PSEN2: variants seen among roughly 807,000 people sequenced by gnomAD.
PSEN2 encodes the protein presenilin-2.
PSEN2 carries 32 observed loss-of-function variants against 49.1 expected under a neutral mutation model. That is an observed-to-expected ratio of 0.65 (90% CI 0.49 to 0.88). The LOEUF is 0.88. Among genes scored for constraint, PSEN2 ranks in the 40% least tolerant of loss-of-function variants. The probability of loss-of-function intolerance (pLI) is 0.00; values close to 1 mark genes in which losing one functional copy is unlikely to be tolerated. For synonymous variants in PSEN2, 255 were observed against 244.0 expected, an observed-to-expected ratio of 1.05 and a Z score of -0.42; for missense variants, 522 against 586.9, an observed-to-expected ratio of 0.89 and a Z score of 1.14.
rs187967479 is a variant in PSEN2 at position 226,891,164 on chromosome 1, A to G, written c.887-114A>G. ...CAATGGAGCATGAGCAGATACCTGC[A>G]GGATGGAGGGTCCTGTGCAGGCTTT... On this transcript the variant is annotated intron_variant, in intron 9 of 12. Coordinates refer to ENST00000366783, the MANE Select transcript of PSEN2 (RefSeq NM_000447.3). 2.1e-3 allele frequency: 1,778 copies of G among 837,570 alleles called. 16 individuals are homozygous for G. In the African/African-American group the frequency reaches 0.023, roughly 11 times the overall value. The allele number at this position is 837,570 out of a possible 1,614,324, so 51.9% of individuals were successfully genotyped here.
intron 6 of PSEN2, among the ~76,000 whole-genome samples, chr1:226,887,342 A>G (rs1344755985): frequency 6.6e-6 from 1 of 152,084 alleles, no homozygotes; most frequent in Non-Finnish European, 1.5e-5. Flanking sequence ...CTTTTAGTCC[A>G]GGTAGACCAG....
At chr1:226,873,034 G>A (rs565423615) in intron 2 of PSEN2, among the ~76,000 whole-genome samples, 8 of 152,216 alleles carry the variant, frequency 5.3e-5, no homozygotes, top group East Asian at 1.9e-4. Flanking sequence ...AAAATTAGCC[G>A]GGCGTGGTGG....
At chr1:226,879,147 C>T (rs1660816463) in intron 3 of PSEN2, among the ~76,000 whole-genome samples, 1 of 152,344 alleles carries the variant, frequency 6.6e-6, no homozygotes, top group East Asian at 1.9e-4. Flanking sequence ...GTTGGGATTA[C>T]AGGCGTGAGC....
At chr1:226,890,725 C>T (rs1330629014) in intron 9 of PSEN2, 10 of 192,392 alleles carry the variant, frequency 5.2e-5, no homozygotes, top group African/African-American at 1.2e-4. Flanking sequence ...ATGGAGCTCA[C>T]GGCCCTGTGA....
chr1:226,896,361 G>A (rs536075387), downstream of PSEN2, among the ~76,000 whole-genome samples: 330 of 152,344 alleles, frequency 2.2e-3, no homozygotes, highest in African/African-American at 6.8e-3. Context: ...AGTTGTGCAC[G>A]GTGGCACAGA....
intron 6 of PSEN2, among the ~76,000 whole-genome samples, chr1:226,887,801 C>A (rs1661460247): frequency 6.6e-6 from 1 of 152,120 alleles, no homozygotes; most frequent in African/African-American, 2.4e-5. Context: ...GTAGGAGACA[C>A]CCAGCATTAC....
chr1:226,890,255 C>T (rs1661657416), intron 9 of PSEN2, 122 bp downstream of exon 9: 1 of 810,836 alleles, frequency 1.2e-6, no homozygotes, highest in Non-Finnish European at 2.2e-6. Context: ...AGGGTCTCCA[C>T]TTTCAGAAGC....
chr1:226,871,470 C>T (rs1287978616), intron 2 of PSEN2, 66 bp downstream of exon 2: 1 of 152,262 alleles, frequency 6.6e-6, no homozygotes, highest in Non-Finnish European at 1.5e-5. Context: ...GTCCATCCCT[C>T]CGAGCAGACC....
chr1:226,899,110 A>C (rs1662236234), downstream of PSEN2: 1 of 152,116 alleles, frequency 6.6e-6, no homozygotes, highest in African/African-American at 2.4e-5. Flanking sequence ...TGCTGGACCC[A>C]AGTAATTTTT....
At position 226,894,070 on chromosome 1, in the gene PSEN2, C is replaced by T; in HGVS notation, c.1136C>T (p.Ala379Val). 1 of 1,614,212 alleles carries T rather than the reference C, an allele frequency of 6.2e-7. No individual in the cohort carries two copies. Among genetic ancestry groups the T allele is most frequent in the Non-Finnish European group, 8.5e-7 (1 of 1,180,026 alleles). ...AGTGTGCTGGTGGGCAAGGCGGCTG[C>T]CACGGGCAGCGGGGACTGGAATACC... ...FYSVLVGKAA[A>V]TGSGDWNTTL... Residue 379 changes from alanine (A) to valine (V), a missense_variant, in exon 12 of 13, where the codon GCC becomes GTC. By Grantham distance (64) the Ala-to-Val change is moderately conservative. Transcript: ENST00000366783.
chr1:226,889,336 G>C (rs1661585454), intron 8 of PSEN2, among the ~76,000 whole-genome samples: 1 of 152,070 alleles, frequency 6.6e-6, no homozygotes, highest in African/African-American at 2.4e-5. Flanking sequence ...GAGTGTAGTG[G>C]CGCCATCTTG....
rs199579988 is a variant in PSEN2 at position 226,896,033 on chromosome 1, A to T, written c.*454A>T. 1 of 230,636 alleles carries T rather than the reference A, an allele frequency of 4.3e-6. No homozygotes were observed. Among genetic ancestry groups the T allele is most frequent in the South Asian group, 6.7e-5 (1 of 14,902 alleles). 14.3% of individuals were successfully genotyped at this position (230,636 alleles called of 1,614,324 possible). A position where few individuals can be genotyped will look rare whatever the true frequency, so the allele number is the denominator to read the frequency against. ...TTAGAAACTGAGTCCTGTTCTTGTT[A>T]CGGCAGTCACACTGCTGGGAAGTGG... On this transcript the variant is annotated 3_prime_UTR_variant, in exon 13 of 13. Coordinates refer to ENST00000366783, the MANE Select transcript of PSEN2 (RefSeq NM_000447.3).
intron 9 of PSEN2, chr1:226,890,805 A>G (rs1412914458): frequency 3.7e-5 from 7 of 187,506 alleles, no homozygotes; most frequent in African/African-American, 7.1e-5. Flanking sequence ...GGCGTCTGCA[A>G]GGTGGCCTGG....
At chr1:226,874,089 G>A (rs1198107242) in intron 2 of PSEN2, among the ~76,000 whole-genome samples, 1 of 152,212 alleles carries the variant, frequency 6.6e-6, no homozygotes, top group Admixed American at 6.5e-5. Context: ...AGACTTGAGA[G>A]TTTTGAGGTG....
At chr1:226,888,632 A>C (rs1483918396) in intron 7 of PSEN2, among the ~76,000 whole-genome samples, 197 bp from the exon 8 acceptor site, 1 of 152,214 alleles carries the variant, frequency 6.6e-6, no homozygotes, top group Non-Finnish European at 1.5e-5. Flanking sequence ...GGTCATGCCC[A>C]TGCACATTTC....
At chr1:226,887,774 AG>A (rs1314011396) in intron 6 of PSEN2, among the ~76,000 whole-genome samples, 1 of 152,204 alleles carries the variant, frequency 6.6e-6, no homozygotes, top group Non-Finnish European at 1.5e-5. Context: ...TCCAGAGCCT[AG>A]AACAGTGCCT....
chr1:226,870,783 T>G (rs1660222685), intron 1 of PSEN2, 134 bp downstream of exon 1: 1 of 152,248 alleles, frequency 6.6e-6, no homozygotes, highest in Admixed American at 6.5e-5. Context: ...CTTCCCCGGC[T>G]GTGGGTCTGC....
downstream of PSEN2, among the ~76,000 whole-genome samples, chr1:226,896,619 C>G (rs777279082): frequency 2.0e-5 from 3 of 151,984 alleles, no homozygotes; most frequent in Non-Finnish European, 2.9e-5. Flanking sequence ...CCCAATACTT[C>G]GGGAGGTCGA....
In PSEN2 at chr1:226,883,932, G is replaced by C. The variant is rs565637526; in HGVS notation, c.356+13G>C. ...AGAATGGACAGCTGTGAGTTGGGGG[G>C]CTGGGGGGAGCAGGGTGGGGTGAGG... On this transcript the variant is annotated intron_variant, in intron 5 of 12. Coordinates refer to ENST00000366783, the MANE Select transcript of PSEN2 (RefSeq NM_000447.3). The C allele has an allele frequency of 6.9e-6, 11 of 1,602,646 alleles. No individual in the cohort carries two copies. In the South Asian group the frequency reaches 9.9e-5, roughly 14 times the overall value.
Sources: allele counts gnomAD v4.1 joint callset (sites outside exome capture counted in the v4.1 genomes callset), GRCh38; gene constraint gnomAD v4.1.1; transcripts MANE v1.5; gene names NCBI Gene and HGNC (gene_info 2026-07-23, HGNC 2026-07-21).